ERAP2: variants seen among roughly 807,000 people sequenced by gnomAD.
ERAP2 encodes endoplasmic reticulum aminopeptidase 2.
In ERAP2, 118 loss-of-function variants were observed where a neutral mutation model predicts 111.1. That is an observed-to-expected ratio of 1.06 (90% CI 0.92 to 1.24). The LOEUF (loss-of-function observed/expected upper bound fraction) is 1.24. Ranked by LOEUF, ERAP2 falls within the 50% of genes most tolerant of loss-of-function variation. The pLI is 0.00. For missense variants in ERAP2, 1,131 were observed against 1,125.8 expected, an observed-to-expected ratio of 1.00 and a Z score of -0.07; for synonymous variants, 410 against 401.2, an observed-to-expected ratio of 1.02 and a Z score of -0.26.
chr5:96,900,953 C>T (rs542181168), intron 10 of ERAP2, among the ~76,000 whole-genome samples: 74 of 152,330 alleles, frequency 4.9e-4, no homozygotes, highest in Non-Finnish European at 6.6e-4. Context: ...GCATGATCCA[C>T]GGCGCCTGGC....
rs763875776 is a variant in ERAP2, at chr5:96,902,309, GTTC to G, written c.1789_1791del (p.Ser597del). On this transcript the variant is annotated inframe_deletion, in exon 12 of 19. Transcript: ENST00000437043. ...CATATCCCATTGACCTACTCCACGA[GTTC>G]TTCTAATGTGATCCACAGACACATT... 7 of 1,612,454 alleles carry G rather than the reference GTTC, an allele frequency of 4.3e-6. No homozygotes were observed. Among genetic ancestry groups the G allele is most frequent in the African/African-American group, 4.0e-5 (3 of 74,848 alleles).
intron 2 of ERAP2, 66 bp downstream of exon 2, chr5:96,880,326 C>A: frequency 7.2e-7 from 1 of 1,393,314 alleles, no homozygotes; most frequent in Non-Finnish European, 9.7e-7. Flanking sequence ...CATCTCTTTG[C>A]CAGGAGCAGA....
intron 13 of ERAP2, 52 bp from the exon 14 acceptor site, chr5:96,908,909 A>G: frequency 6.5e-7 from 1 of 1,529,536 alleles, no homozygotes; most frequent in Non-Finnish European, 8.9e-7. Flanking sequence ...TGTTAAAAAT[A>G]TTAAAAACTA....
chr5:96,918,792 T>C lies in ERAP2; in HGVS notation c.*1187T>C, dbSNP rs192729172. 2 of 152,364 alleles carry C rather than the reference T, an allele frequency of 1.3e-5. No homozygotes were observed. The highest frequency in any genetic ancestry group is 3.9e-4 in the East Asian group (2 of 5,190). The allele number at this position is 152,364 out of a possible 1,614,324, so 9.4% of individuals were successfully genotyped here. ...TGCAGAATTAGATTGTATTGTGTAT[T>C]TTCGGTTAAATGATAATTGAATGTA... is the stretch of plus-strand genomic sequence containing the variant. On this transcript the variant is annotated 3_prime_UTR_variant, in exon 19 of 19. Coordinates refer to ENST00000437043, the MANE Select transcript of ERAP2 (RefSeq NM_022350.5).
intron 11 of ERAP2, among the ~76,000 whole-genome samples, chr5:96,901,981 C>A (rs1785519087): frequency 6.6e-6 from 1 of 152,146 alleles, no homozygotes; most frequent in Admixed American, 6.6e-5. Context: ...TTTTCTTTCC[C>A]ATACAAACAG....
intron 5 of ERAP2, among the ~76,000 whole-genome samples, chr5:96,889,990 T>A (rs1224588494): frequency 6.6e-6 from 1 of 152,140 alleles, no homozygotes; most frequent in Non-Finnish European, 1.5e-5. Context: ...TATGCTTCCA[T>A]CCGTTATCTG....
chr5:96,887,776 A>G (rs4869311), intron 4 of ERAP2, among the ~76,000 whole-genome samples: 83,532 of 152,126 alleles, frequency 0.55, 22,973 homozygotes, highest in Admixed American at 0.6. Context: ...TTATCCCAAG[A>G]GACCAAATTA....
intron 15 of ERAP2, among the ~76,000 whole-genome samples, chr5:96,912,117 G>A (rs1198419461): frequency 1.5e-4 from 23 of 150,052 alleles, no homozygotes; most frequent in African/African-American, 4.9e-4. Context: ...GTGAACCCCG[G>A]GGGGCGGAGC....
downstream of ERAP2, chr5:96,919,708 T>G (rs796143978): frequency 1.3e-5 from 2 of 152,420 alleles, no homozygotes; most frequent in African/African-American, 4.8e-5. Context: ...AATAAATGTA[T>G]TGTACTTATT....
rs764866256 is a variant in ERAP2 at position 96,895,306 on chromosome 5, G to T, written c.1186G>T (p.Ala396Ser). 7 of 1,612,770 alleles carry T rather than the reference G, an allele frequency of 4.3e-6. No homozygotes were observed. The African/African-American group carries it at 5.3e-5, about 12-fold the overall frequency. The change falls in exon 7 of 19, where the codon GCA becomes TCA. Residue 396 changes from alanine to serine, a missense_variant. Around this residue, in one of 3 missense-constraint regions of ERAP2, gnomAD observed 847 missense variants for 856.5 expected, o/e 0.99. Coordinates refer to ENST00000437043, the MANE Select transcript of ERAP2 (RefSeq NM_022350.5). Reference protein sequence around the residue: ...WNDIWLKEGFAKYMELIAVNA... With the variant: ...WNDIWLKEGFSKYMELIAVNA... ...TGATATTTGGCTTAAGGAGGGTTTT[G>T]CAAAATACATGGAACTTATCGCTGT...
intron 3 of ERAP2, 90 bp downstream of exon 3, chr5:96,884,020 C>A: frequency 1.2e-5 from 15 of 1,260,302 alleles, no homozygotes; most frequent in Non-Finnish European, 1.4e-5. Context: ...AGGATTTCAG[C>A]CATTAATTTG....
At chr5:96,877,271 G>T (rs545352190) in intron 1 of ERAP2, among the ~76,000 whole-genome samples, 1 of 152,248 alleles carries the variant, frequency 6.6e-6, no homozygotes, top group South Asian at 2.1e-4. Flanking sequence ...CACTGTGCCC[G>T]GTCCTGTTTC....
At chr5:96,904,969 T>C (rs777149562) in intron 13 of ERAP2, among the ~76,000 whole-genome samples, 1 of 151,974 alleles carries the variant, frequency 6.6e-6, no homozygotes, top group Non-Finnish European at 1.5e-5. Flanking sequence ...TTTTTTGAGC[T>C]TGGACAAGTT....
intron 10 of ERAP2, 132 bp downstream of exon 10, chr5:96,900,321 T>C (rs1171151394): frequency 1.5e-6 from 2 of 1,373,284 alleles, no homozygotes; most frequent in East Asian, 4.7e-5. Context: ...CGATTTTCTC[T>C]AAAACAAAAC....
intron 6 of ERAP2, 34 bp downstream of exon 6, chr5:96,892,487 G>A (rs752396045): frequency 1.2e-6 from 2 of 1,611,138 alleles, no homozygotes; most frequent in Non-Finnish European, 1.7e-6. Context: ...CTCGATATCA[G>A]TTCAAAATAA....
intron 13 of ERAP2, 23 bp from the exon 14 acceptor site, chr5:96,908,938 C>A (rs745691113): frequency 6.2e-7 from 1 of 1,604,126 alleles, no homozygotes; most frequent in Non-Finnish European, 8.5e-7. Flanking sequence ...GCACAAACCA[C>A]TGACATTTGT....
intron 9 of ERAP2, among the ~76,000 whole-genome samples, chr5:96,899,432 A>G (rs1167254451): frequency 6.6e-6 from 1 of 152,206 alleles, no homozygotes; most frequent in Non-Finnish European, 1.5e-5. Flanking sequence ...AATACATGTC[A>G]ATAGCAACTT....
intron 13 of ERAP2, among the ~76,000 whole-genome samples, chr5:96,905,918 G>A (rs1786019676): frequency 6.7e-6 from 1 of 150,356 alleles, no homozygotes; most frequent in African/African-American, 2.4e-5. Flanking sequence ...CATTTAGTTT[G>A]GAGAGATAAT....
At chr5:96,877,001 G>A (rs1461870497) in intron 1 of ERAP2, among the ~76,000 whole-genome samples, 3 of 152,068 alleles carry the variant, frequency 2.0e-5, no homozygotes, top group Admixed American at 2.0e-4. Flanking sequence ...TTGAGAGAGA[G>A]CCTCGCTCTG....
Sources: gnomAD v4.1 joint callset for allele counts (sites outside exome capture counted in the v4.1 genomes callset) on GRCh38, gnomAD v4.1.1 for gene constraint, gnomAD v4.1.1 regional missense constraint, MANE v1.5 for transcripts, NCBI Gene and HGNC (gene_info 2026-07-23, HGNC 2026-07-21) for gene names.